The following LRRC74A variants were observed in gnomAD, a reference collection of about 807,000 sequenced individuals.
The protein encoded by LRRC74A is leucine-rich repeat-containing protein 74A.
Under a neutral mutation model 57.9 loss-of-function variants are expected in LRRC74A, and 44 were observed. The ratio of observed to expected loss-of-function variants is 0.76; its 90% CI spans 0.60 to 0.98. The LOEUF (loss-of-function observed/expected upper bound fraction) is 0.98. LRRC74A is among the 50% of genes least tolerant of loss of function. The pLI, the probability that LRRC74A is intolerant of heterozygous loss-of-function variation, is 0.00. For synonymous variants in LRRC74A, 211 were observed against 219.4 expected (o/e 0.96, Z 0.34); for missense variants, 572 against 574.0 (o/e 1.00, Z 0.04).
At chr14:76,856,967 T>A (rs12895943) in intron 9 of LRRC74A, among the ~76,000 whole-genome samples, 3 of 124,026 alleles carry the variant, frequency 2.4e-5, no homozygotes, top group Non-Finnish European at 3.5e-5. Flanking sequence ...AAGTTGGTGG[T>A]TGGATGGATG....
In LRRC74A at chr14:76,866,035, T is replaced by G. The variant is rs1193948625; in HGVS notation, c.1268T>G (p.Met423Arg). The G allele has an allele frequency of 1.9e-6, 3 of 1,595,594 alleles. No homozygotes were observed. The highest frequency in any genetic ancestry group is 1.7e-4 in the Middle Eastern group (1 of 6,032). ...FFKSLNPTGTMKMSVDEFQKV... is the reference protein window; with the variant it reads ...FFKSLNPTGTRKMSVDEFQKV... ...AAGAGCTTGAACCCCACTGGGACAA[T>G]GAAGATGTCTGTGGATGAGTTCCAG... Residue 423 changes from methionine to arginine, a missense_variant, in exon 12 of 14, where the codon ATG (methionine) becomes AGG (arginine). Coordinates refer to ENST00000689127, the MANE Select transcript of LRRC74A (RefSeq NM_001385106.1).
At chr14:76,864,435 A>AG (rs1898599231) in intron 11 of LRRC74A, among the ~76,000 whole-genome samples, 1 of 1,556 alleles carries the variant, frequency 6.4e-4, no homozygotes, top group African/African-American at 2.5e-3. Flanking sequence ...GGCGGGGGGA[A>AG]GGGGGGTGGC....
Position 76,860,743 on chromosome 14 carries a change from C to T in LRRC74A, c.1104C>T (p.Ala368=), listed in dbSNP as rs368620317. ...TGAAAACGTTGGACGGAGTGTATGC[C>T]GTTCACCCGCAGCTGGACGTGGTAT... The part of the protein sequence containing the change: ...QFMKTLDGVY[A]VHPQLDVVFK... The change falls in exon 11 of 14, where the codon GCC becomes GCT. Residue 368 remains alanine (A), a synonymous_variant. Transcript: ENST00000689127. 38 of 1,611,900 alleles carry T rather than the reference C, an allele frequency of 2.4e-5. No individual in the cohort carries two copies. The South Asian group carries it at 3.1e-4, about 13-fold the overall frequency.
Position 76,860,789 on chromosome 14 carries a change from T to C in LRRC74A, c.1150T>C (p.Ser384Pro). The change falls in exon 11 of 14, where the codon TCT becomes CCT. Residue 384 changes from serine to proline, a missense_variant. Coordinates refer to ENST00000689127, the MANE Select transcript of LRRC74A (RefSeq NM_001385106.1). ...DVVFKAVQGL[S>P]PKKTIFLLTN... ...GGTATTCAAGGCAGTACAAGGCCTC[T>C]CTCCCAAGAAAACCATCTTCTTGTT... 4 of 1,610,896 alleles carry C rather than the reference T, an allele frequency of 2.5e-6. No individual in the cohort carries two copies. Among genetic ancestry groups the C allele is most frequent in the Non-Finnish European group, 3.4e-6 (4 of 1,177,978 alleles).
chr14:76,842,436 T>A (rs1896836629), intron 5 of LRRC74A, among the ~76,000 whole-genome samples: 1 of 152,252 alleles, frequency 6.6e-6, no homozygotes. Flanking sequence ...TATCCCAGAC[T>A]GGTGAAATCA....
chr14:76,831,431 TG>T (rs1219442880), intron 3 of LRRC74A, 56 bp downstream of exon 3: 24 of 1,587,858 alleles, frequency 1.5e-5, no homozygotes, highest in Non-Finnish European at 2.1e-5. Flanking sequence ...GTTGGCAGAG[TG>T]GTAGGCCCAA....
intron 2 of LRRC74A, among the ~76,000 whole-genome samples, chr14:76,830,303 G>A (rs898052804): frequency 2.6e-5 from 4 of 152,214 alleles, no homozygotes; most frequent in Admixed American, 1.3e-4. Context: ...AGACATAGAC[G>A]CCAGCTGGCC....
chr14:76,860,865 C>T (rs376134221), intron 11 of LRRC74A, 26 bp downstream of exon 11: 45 of 1,559,966 alleles, frequency 2.9e-5, no homozygotes, highest in Non-Finnish European at 3.3e-5. Flanking sequence ...CCTCTCAGGG[C>T]CTCCAGGGAG....
At position 76,836,249 on chromosome 14, in the gene LRRC74A, A is replaced by C. The variant is rs760515333; in HGVS notation, c.382A>C (p.Ile128Leu). The C allele has an allele frequency of 6.2e-7, 1 of 1,613,934 alleles. No homozygotes were observed. The highest frequency in any genetic ancestry group is 2.2e-5 in the East Asian group (1 of 44,886). ...CAAACTGGAGCTGGAAGACAATTGC[A>C]TCATGGAGGAGGGCGTCTTGAGCCT... is the stretch of plus-strand genomic sequence containing the variant. Reference protein sequence around the residue: ...VTKLELEDNCIMEEGVLSLVE... With the variant: ...VTKLELEDNCLMEEGVLSLVE... The change falls in exon 4 of 14, where the codon ATC becomes CTC. Residue 128 changes from isoleucine (I) to leucine (L), a missense_variant. Ile to Leu is a conservative substitution (Grantham distance 5, BLOSUM62 2). Coordinates refer to ENST00000689127, the MANE Select transcript of LRRC74A (RefSeq NM_001385106.1).
intron 9 of LRRC74A, 106 bp downstream of exon 9, chr14:76,853,516 G>T: frequency 9.3e-7 from 1 of 1,070,214 alleles, no homozygotes; most frequent in South Asian, 1.5e-5. Context: ...GAGAATAATT[G>T]GGAATATCTG....
chr14:76,833,434 C>A (rs1232294392), intron 3 of LRRC74A, among the ~76,000 whole-genome samples: 2 of 123,466 alleles, frequency 1.6e-5, no homozygotes, highest in Non-Finnish European at 3.2e-5. Flanking sequence ...ACATTCACAT[C>A]ACTTTTTTTT....
At chr14:76,829,189 G>A (rs1211552788) in intron 2 of LRRC74A, 1 of 1,289,196 alleles carries the variant, frequency 7.8e-7, no homozygotes, top group Non-Finnish European at 1.0e-6. Flanking sequence ...CCCAGGCCAA[G>A]CCTAGCCCAG....
intron 11 of LRRC74A, 104 bp downstream of exon 11, chr14:76,860,943 C>A: frequency 9.2e-7 from 1 of 1,091,360 alleles, no homozygotes; most frequent in South Asian, 1.7e-5. Flanking sequence ...AGTGTCTGTA[C>A]AACCCTCTCT....
chr14:76,831,525 AG>A, intron 3 of LRRC74A, 150 bp downstream of exon 3: 1 of 835,900 alleles, frequency 1.2e-6, no homozygotes, highest in Admixed American at 2.9e-5. Flanking sequence ...CTTGGCTGCC[AG>A]ATGATTTATT....
intron 7 of LRRC74A, among the ~76,000 whole-genome samples, chr14:76,850,727 G>A (rs1414281082): frequency 6.6e-6 from 1 of 151,968 alleles, no homozygotes; most frequent in East Asian, 1.9e-4. Flanking sequence ...AATTAGCTGG[G>A]CGTGGTGGCA....
intron 7 of LRRC74A, among the ~76,000 whole-genome samples, chr14:76,850,590 C>T (rs1039635220): frequency 8.6e-5 from 13 of 151,832 alleles, no homozygotes; most frequent in Non-Finnish European, 1.5e-4. Flanking sequence ...GAAATAGGCC[C>T]GTGCAGTGGC....
At chr14:76,867,829 G>A (rs1390506934) in intron 13 of LRRC74A, among the ~76,000 whole-genome samples, 6 of 152,188 alleles carry the variant, frequency 3.9e-5, no homozygotes, top group East Asian at 1.9e-4. Flanking sequence ...GGCGGGAGGC[G>A]GCAATGTTTC....
chr14:76,867,154 T>TGGGGGGGGG (rs1898949800), intron 12 of LRRC74A, among the ~76,000 whole-genome samples: 1 of 1,900 alleles, frequency 5.3e-4, no homozygotes, highest in Non-Finnish European at 1.2e-3. Context: ...GGTGTGTGTG[T>TGGGGGGGGG]TGGGGGTGGG....
chr14:76,840,777 G>A (rs904665178), intron 5 of LRRC74A, among the ~76,000 whole-genome samples: 1 of 151,592 alleles, frequency 6.6e-6, no homozygotes, highest in South Asian at 2.1e-4. Flanking sequence ...TAGAGACGGG[G>A]TTTCACCGTG....
Sources: gnomAD v4.1 joint callset for allele counts (sites outside exome capture counted in the v4.1 genomes callset) on GRCh38, gnomAD v4.1.1 for gene constraint, MANE v1.5 for transcripts, NCBI Gene and HGNC (gene_info 2026-07-23, HGNC 2026-07-21) for gene names.